Variants in MAGI1 observed in about 807,000 individuals in gnomAD.
MAGI1 encodes the protein membrane associated guanylate kinase, WW and PDZ domain containing 1.
In MAGI1, 58 loss-of-function variants were observed where a neutral mutation model predicts 139.9. That is an observed-to-expected ratio of 0.41 (90% CI 0.34 to 0.52). The LOEUF (loss-of-function observed/expected upper bound fraction) is 0.52, where lower values mean the gene tolerates loss of function less well. MAGI1 is among the 20% of genes least tolerant of loss of function. MAGI1 has a pLI of 0.12. For synonymous variants in MAGI1, 812 were observed against 737.9 expected (o/e 1.10, Z -1.63); for missense variants, 1,874 against 1,901.6 (o/e 0.99, Z 0.27).
chr3:65,551,552 G>A (rs374732492), intron 2 of MAGI1, among the ~76,000 whole-genome samples: 17 of 152,196 alleles, frequency 1.1e-4, no homozygotes, highest in Middle Eastern at 3.4e-3. Flanking sequence ...CGCCCGCCTC[G>A]GCCTCCCAAA....
At chr3:65,694,627 C>T (rs185625525) in intron 1 of MAGI1, among the ~76,000 whole-genome samples, 22 of 152,290 alleles carry the variant, frequency 1.4e-4, no homozygotes, top group African/African-American at 2.9e-4. Flanking sequence ...GCTAAGCCTT[C>T]GGCTCATTCC....
At chr3:65,890,815 C>T (rs1372403532) in intron 1 of MAGI1, among the ~76,000 whole-genome samples, 1 of 152,204 alleles carries the variant, frequency 6.6e-6, no homozygotes, top group African/African-American at 2.4e-5. Flanking sequence ...ATTGATTGAA[C>T]TCCTCCTATT....
At chr3:65,908,078 G>A (rs774859961) in intron 1 of MAGI1, among the ~76,000 whole-genome samples, 4 of 152,000 alleles carry the variant, frequency 2.6e-5, no homozygotes, top group Non-Finnish European at 5.9e-5. Context: ...TACACCAAAC[G>A]CCACTCATAA....
At chr3:65,476,091 A>T (rs2107604555) in intron 4 of MAGI1, among the ~76,000 whole-genome samples, 1 of 151,980 alleles carries the variant, frequency 6.6e-6, no homozygotes, top group Non-Finnish European at 1.5e-5. Context: ...TTCCTATTTA[A>T]TGTGGTTCAG....
At chr3:65,472,846 A>T (rs1950636486) in intron 4 of MAGI1, among the ~76,000 whole-genome samples, 1 of 152,178 alleles carries the variant, frequency 6.6e-6, no homozygotes, top group Non-Finnish European at 1.5e-5. Flanking sequence ...TTTTTATGTA[A>T]AATCTCCCAA....
At chr3:65,587,963 C>G (rs1379070799) in intron 2 of MAGI1, among the ~76,000 whole-genome samples, 1 of 152,140 alleles carries the variant, frequency 6.6e-6, no homozygotes, top group Non-Finnish European at 1.5e-5. Context: ...GTGTTGGGAT[C>G]CATCTGGATC....
At chr3:65,963,713 A>G (rs2064587678) in intron 1 of MAGI1, among the ~76,000 whole-genome samples, 1 of 152,232 alleles carries the variant, frequency 6.6e-6, no homozygotes, top group Non-Finnish European at 1.5e-5. Flanking sequence ...AAAGGGCCCT[A>G]TGCGAACTAC....
chr3:65,884,106 G>A (rs554334686), intron 1 of MAGI1, among the ~76,000 whole-genome samples: 1 of 152,190 alleles, frequency 6.6e-6, no homozygotes, highest in Non-Finnish European at 1.5e-5. Context: ...ACAGAGAGTA[G>A]AAGAAACCAA....
At position 65,977,136 on chromosome 3, in the gene MAGI1, C is replaced by A. The variant is rs1460191487; in HGVS notation, c.313+60860G>T. Among the ~76,000 whole-genome samples the A allele has an allele frequency of 3.9e-5, 6 of 152,144 alleles. No individual in the cohort carries two copies. The East Asian group carries it at 5.8e-4, about 15-fold the overall frequency. ...GATTGTGATGTTATAGGTTTTCTTT[C>A]CATCTAACTTGTGCTTTAGGCATCT... On this transcript the variant is annotated intron_variant, in intron 1 of 22. Transcript: ENST00000402939.
chr3:65,951,037 A>AAGGAAGGG lies in MAGI1; in HGVS notation c.313+86958_313+86959insCCCTTCCT, dbSNP rs1267175401. Reference sequence around the variant, plus strand: ...GAAGGAAGGAAGGAAGGAAGGAAGGAAAGGAGGGAGGGAGGGAGGAAGGTG... The same window carrying AAGGAAGGG: ...GAAGGAAGGAAGGAAGGAAGGAAGGAAGGAAGGGAAGGAGGGAGGGAGGGAGGAAGGTG... On this transcript the variant is annotated intron_variant, in intron 1 of 22. Transcript: ENST00000402939. 5.1e-4 allele frequency among the ~76,000 whole-genome samples: 27 copies of AAGGAAGGG among 52,492 alleles called. 2 individuals are homozygous for AAGGAAGGG. The highest frequency in any genetic ancestry group is 1.4e-3 in the Admixed American group (7 of 5,048). 34.4% of individuals were successfully genotyped at this position (52,492 alleles called of 152,430 possible).
At chr3:65,643,760 C>T (rs1357357565) in intron 1 of MAGI1, among the ~76,000 whole-genome samples, 3 of 152,168 alleles carry the variant, frequency 2.0e-5, no homozygotes, top group African/African-American at 7.2e-5. Flanking sequence ...ACAATAACGG[C>T]TCTACTTCAG....
chr3:65,437,383 C>T (rs1947927900), intron 9 of MAGI1, 136 bp from the exon 10 acceptor site: 6 of 452,766 alleles, frequency 1.3e-5, no homozygotes, highest in African/African-American at 4.1e-5. Flanking sequence ...AAGTTGTTAT[C>T]TGACCTCATT....
intron 2 of MAGI1, among the ~76,000 whole-genome samples, chr3:65,551,109 T>C (rs1416894873): frequency 6.6e-6 from 1 of 152,068 alleles, no homozygotes; most frequent in Non-Finnish European, 1.5e-5. Flanking sequence ...ATGGGGGCGA[T>C]TTCTGCCATG....
intron 2 of MAGI1, chr3:65,549,424 G>A (rs1173032445): frequency 2.0e-6 from 2 of 985,024 alleles, no homozygotes; most frequent in South Asian, 4.7e-5. Flanking sequence ...GCCCCGGAGC[G>A]GCCCCGGAGT....
chr3:65,405,326 T>C (rs1945247989), intron 12 of MAGI1, among the ~76,000 whole-genome samples: 1 of 152,198 alleles, frequency 6.6e-6, no homozygotes, highest in Non-Finnish European at 1.5e-5. Flanking sequence ...CCATAAACTA[T>C]AACTAAATGG....
intron 1 of MAGI1, among the ~76,000 whole-genome samples, chr3:65,810,363 T>G (rs892191962): frequency 6.6e-6 from 1 of 152,254 alleles, no homozygotes; most frequent in Non-Finnish European, 1.5e-5. Flanking sequence ...GGCTCATGAA[T>G]GTGGCAGTAA....
At chr3:65,745,051 T>C (rs2035587680) in intron 1 of MAGI1, among the ~76,000 whole-genome samples, 1 of 152,122 alleles carries the variant, frequency 6.6e-6, no homozygotes, top group South Asian at 2.1e-4. Flanking sequence ...AGCAGAATCA[T>C]ACAGTGTTGG....
chr3:65,441,833 C>A (rs1477039352), intron 8 of MAGI1, among the ~76,000 whole-genome samples: 1 of 152,162 alleles, frequency 6.6e-6, no homozygotes, highest in Admixed American at 6.6e-5. Context: ...CTCATAATTT[C>A]TACAGTAAGA....
At chr3:65,602,308 T>C (rs1299671681) in intron 2 of MAGI1, among the ~76,000 whole-genome samples, 2 of 152,206 alleles carry the variant, frequency 1.3e-5, no homozygotes, top group Non-Finnish European at 2.9e-5. Flanking sequence ...AATTCAAATG[T>C]TCACTAACTG....
Sources: allele counts gnomAD v4.1 joint callset (sites outside exome capture counted in the v4.1 genomes callset), GRCh38; gene constraint gnomAD v4.1.1; transcripts MANE v1.5; gene names NCBI Gene and HGNC (gene_info 2026-07-23, HGNC 2026-07-21).